The following KDM4C variants were observed in gnomAD, a reference collection of about 807,000 sequenced individuals.
KDM4C encodes the protein lysine-specific demethylase 4C.
Under a neutral mutation model 129.3 loss-of-function variants are expected in KDM4C, and 81 were observed. The ratio of observed to expected loss-of-function variants is 0.63; its 90% CI spans 0.52 to 0.75. The LOEUF is 0.75. Among genes scored for constraint, KDM4C ranks in the 30% least tolerant of loss-of-function variants. KDM4C has a pLI of 0.00. For synonymous variants in KDM4C, 573 were observed against 456.1 expected (o/e 1.26, Z -3.26); for missense variants, 1,457 against 1,304.0 (o/e 1.12, Z -1.81).
At chr9:6,767,899 C>CT (rs562071096) in intron 1 of KDM4C, among the ~76,000 whole-genome samples, 400 of 148,024 alleles carry the variant, frequency 2.7e-3, no homozygotes, top group Non-Finnish European at 4.5e-3. Context: ...AATCATTTTC[C>CT]TTTTTTTTTT....
chr9:6,896,505 G>A (rs146528020), intron 8 of KDM4C, among the ~76,000 whole-genome samples: 1 of 151,184 alleles, frequency 6.6e-6, no homozygotes, highest in African/African-American at 2.4e-5. Context: ...ATAATTTTGT[G>A]TAATACAAAC....
At chr9:7,167,765 G>A (rs1844543915) in intron 20 of KDM4C, among the ~76,000 whole-genome samples, 1 of 152,236 alleles carries the variant, frequency 6.6e-6, no homozygotes, top group South Asian at 2.1e-4. Context: ...CCACCTGGGT[G>A]TCTCAGCAAA....
At chr9:6,767,899 CT>C (rs562071096) in intron 1 of KDM4C, among the ~76,000 whole-genome samples, 12 of 147,992 alleles carry the variant, frequency 8.1e-5, no homozygotes, top group African/African-American at 1.2e-4. Flanking sequence ...AATCATTTTC[CT>C]TTTTTTTTTG....
intron 9 of KDM4C, among the ~76,000 whole-genome samples, chr9:6,981,562 T>TTTA (rs1816767091): frequency 6.6e-6 from 1 of 152,232 alleles, no homozygotes; most frequent in African/African-American, 2.4e-5. Context: ...TTTACTACAT[T>TTTA]TTATGCACAT....
chr9:7,111,875 A>G lies in KDM4C; in HGVS notation c.2610+8005A>G, dbSNP rs1052158313. On this transcript the variant is annotated intron_variant, in intron 18 of 21. Transcript: ENST00000381309. Reference sequence around the variant, plus strand: ...AAGTTAGGGAAATGTTCTTGGCTAAACAAGGATCTGTTTTTAGGGACGAGG... The same window carrying G: ...AAGTTAGGGAAATGTTCTTGGCTAAGCAAGGATCTGTTTTTAGGGACGAGG... 7.2e-5 allele frequency among the ~76,000 whole-genome samples: 11 copies of G among 152,284 alleles called. No homozygotes were observed. The East Asian group carries it at 1.9e-3, about 27-fold the overall frequency.
chr9:6,961,197 A>T (rs1369886414), intron 8 of KDM4C, among the ~76,000 whole-genome samples: 1 of 152,228 alleles, frequency 6.6e-6, no homozygotes, highest in African/African-American at 2.4e-5. Flanking sequence ...CCTTTATTTT[A>T]AAAGTTAAAT....
chr9:7,048,930 T>C (rs1308167895), intron 16 of KDM4C, among the ~76,000 whole-genome samples, 162 bp from the exon 17 acceptor site: 3 of 152,080 alleles, frequency 2.0e-5, no homozygotes, highest in African/African-American at 7.2e-5. Flanking sequence ...TGTCCAGGTA[T>C]CATTCAGGAG....
upstream of KDM4C, among the ~76,000 whole-genome samples, chr9:6,754,357 C>A (rs1036759010): frequency 2.6e-5 from 4 of 151,876 alleles, no homozygotes; most frequent in Admixed American, 6.6e-5. Flanking sequence ...GGATTACAGG[C>A]ACCTGCCACC....
chr9:7,057,758 G>C (rs894167211), intron 17 of KDM4C, among the ~76,000 whole-genome samples: 1 of 152,156 alleles, frequency 6.6e-6, no homozygotes, highest in East Asian at 1.9e-4. Flanking sequence ...TGTCATCTCC[G>C]AGGGAGCAGG....
chr9:6,783,690 C>T (rs148570269), intron 1 of KDM4C, among the ~76,000 whole-genome samples: 9 of 152,258 alleles, frequency 5.9e-5, no homozygotes, highest in African/African-American at 1.9e-4. Flanking sequence ...TTGCCCACCA[C>T]CCACAAAAGC....
At chr9:7,158,319 ATTT>A (rs150307536) in intron 19 of KDM4C, among the ~76,000 whole-genome samples, 74 of 148,060 alleles carry the variant, frequency 5.0e-4, no homozygotes, top group African/African-American at 1.2e-3. Context: ...GGATTCATTG[ATTT>A]TTTTTTTTTT....
intron 17 of KDM4C, among the ~76,000 whole-genome samples, chr9:7,070,446 A>G (rs1453139084): frequency 1.3e-5 from 2 of 152,180 alleles, no homozygotes; most frequent in Admixed American, 6.5e-5. Flanking sequence ...GTAGACCCAT[A>G]TTCATCATGA....
rs1020759063 is a variant in KDM4C, at chr9:6,769,052, C to T, written c.-18+10849C>T. Among the ~76,000 whole-genome samples the T allele has an allele frequency of 2.4e-4, 36 of 152,108 alleles. 1 individual carries two copies. The highest frequency in any genetic ancestry group is 1.2e-4 in the African/African-American group (5 of 41,424). ...CCTCCCAAAGTGCTGGGATTACAAG[C>T]GTGAGCCACTACACCTGGCCTGGAG... On this transcript the variant is annotated intron_variant, in intron 1 of 21. Coordinates refer to ENST00000381309, the MANE Select transcript of KDM4C (RefSeq NM_015061.6).
At chr9:6,849,214 C>A (rs1331063069) in intron 4 of KDM4C, among the ~76,000 whole-genome samples, 3 of 152,154 alleles carry the variant, frequency 2.0e-5, no homozygotes, top group Non-Finnish European at 4.4e-5. Context: ...TGCTGACAGC[C>A]AAGTTGGGAG....
At chr9:6,725,815 T>G (rs1218643256) in intron 1 of KDM4C, among the ~76,000 whole-genome samples, 1 of 149,398 alleles carries the variant, frequency 6.7e-6, no homozygotes. Context: ...GTTCAAGCAA[T>G]TCCCCTGCTT....
At chr9:6,853,858 C>T (rs566094101) in intron 5 of KDM4C, among the ~76,000 whole-genome samples, 15 of 152,302 alleles carry the variant, frequency 9.8e-5, no homozygotes, top group African/African-American at 3.4e-4. Flanking sequence ...CAAATCACTA[C>T]ACTCCTTTCA....
At chr9:6,940,484 C>G (rs1825744094) in intron 8 of KDM4C, among the ~76,000 whole-genome samples, 2 of 152,256 alleles carry the variant, frequency 1.3e-5, no homozygotes, top group African/African-American at 2.4e-5. Context: ...TTTAATCCAC[C>G]TCTATAAAAA....
chr9:6,756,669 A>G (rs988934674), upstream of KDM4C, among the ~76,000 whole-genome samples: 1 of 152,252 alleles, frequency 6.6e-6, no homozygotes, highest in Non-Finnish European at 1.5e-5. Context: ...GTAAGCCGAG[A>G]TAGCGCCATT....
At chr9:6,927,120 T>TATCTATC in intron 8 of KDM4C, among the ~76,000 whole-genome samples, 1 of 151,984 alleles carries the variant, frequency 6.6e-6, no homozygotes, top group Non-Finnish European at 1.5e-5. Context: ...TCTATCTATC[T>TATCTATC]ATCTATCTAT....
Sources: gnomAD v4.1 joint callset for allele counts (sites outside exome capture counted in the v4.1 genomes callset) on GRCh38, gnomAD v4.1.1 for gene constraint, MANE v1.5 for transcripts, NCBI Gene and HGNC (gene_info 2026-07-23, HGNC 2026-07-21) for gene names.